Variants in RAPGEF2 observed in about 807,000 individuals in gnomAD.
The protein encoded by RAPGEF2 is Rap guanine nucleotide exchange factor 2, also known as PDZ domain containing guanine nucleotide exchange factor (GEF) 1.
A neutral mutation model predicts 186.7 loss-of-function variants in RAPGEF2; 54 were observed. That is an observed-to-expected ratio of 0.29 (90% confidence interval 0.23 to 0.36). The LOEUF (loss-of-function observed/expected upper bound fraction) is 0.36. Ranked by LOEUF, RAPGEF2 falls within the 10% of genes least tolerant of loss-of-function variation. The pLI is 1.00. For missense variants in RAPGEF2, 1,532 were observed against 2,045.0 expected (o/e 0.75, Z 4.84); for synonymous variants, 712 against 705.9 (o/e 1.01, Z -0.14).
intron 29 of RAPGEF2, among the ~76,000 whole-genome samples, chr4:159,356,707 C>G (rs1359738206): frequency 2.6e-5 from 4 of 151,964 alleles, no homozygotes; most frequent in Non-Finnish European, 5.9e-5. Context: ...TTGAGACCAG[C>G]CTGGCCAAAG....
chr4:159,161,476 A>G (rs1373680624), intron 1 of RAPGEF2, among the ~76,000 whole-genome samples: 1 of 151,932 alleles, frequency 6.6e-6, no homozygotes, highest in Non-Finnish European at 1.5e-5. Flanking sequence ...AGGCCAAGGC[A>G]GGTGGATTGC....
intron 4 of RAPGEF2, among the ~76,000 whole-genome samples, chr4:159,217,978 A>G (rs1481928039): frequency 1.3e-5 from 2 of 152,174 alleles, no homozygotes; most frequent in African/African-American, 2.4e-5. Flanking sequence ...TTCTTATTTC[A>G]TGTAAAGAGC....
intron 4 of RAPGEF2, among the ~76,000 whole-genome samples, chr4:159,217,052 G>A (rs1751058482): frequency 6.6e-6 from 1 of 152,016 alleles, no homozygotes. Flanking sequence ...TGATTGCTCT[G>A]AGAGCTTGCA....
rs892516178 is a variant in RAPGEF2, at chr4:159,103,927, G to C, written c.-236G>C. Reference sequence around the variant, plus strand: ...GCGGGCCGCATCGCACGGCAGCCTAGGGGCGCCGCGACCCTCCCGGCTGCG... The same window carrying C: ...GCGGGCCGCATCGCACGGCAGCCTACGGGCGCCGCGACCCTCCCGGCTGCG... On this transcript the variant is annotated 5_prime_UTR_variant, in exon 1 of 30. Coordinates refer to ENST00000691494, the MANE Select transcript of RAPGEF2 (RefSeq NM_001394067.2). The C allele has an allele frequency of 1.3e-5, 2 of 152,994 alleles. No individual in the cohort carries two copies. The highest frequency in any genetic ancestry group is 6.6e-5 in the Admixed American group (1 of 15,256). The allele number at this position is 152,994 out of a possible 1,614,324, so 9.5% of individuals were successfully genotyped here.
At chr4:159,198,201 G>A (rs1048182746) in intron 3 of RAPGEF2, among the ~76,000 whole-genome samples, 5 of 150,886 alleles carry the variant, frequency 3.3e-5, no homozygotes, top group African/African-American at 7.3e-5. Flanking sequence ...ACCCCAGGAA[G>A]CAAAATACTG....
chr4:159,164,028 G>T lies in RAPGEF2; in HGVS notation c.70-22614G>T, dbSNP rs369195032. ...TGGTAGTTTTTTTTTTTTTTGAGAC[G>T]GAGTCTCGCCGTGTCCCCCAGGCTG... On this transcript the variant is annotated intron_variant, in intron 1 of 29. Transcript: ENST00000691494. 2.7e-4 allele frequency among the ~76,000 whole-genome samples: 40 copies of T among 149,986 alleles called. 1 individual carries two copies. In the East Asian group the frequency reaches 2.7e-3, roughly 10 times the overall value.
intron 8 of RAPGEF2, among the ~76,000 whole-genome samples, chr4:159,308,183 C>A (rs373719341): frequency 6.6e-6 from 1 of 152,256 alleles, no homozygotes; most frequent in South Asian, 2.1e-4. Context: ...TTACAGCCTG[C>A]TATCTGGCTT....
intron 10 of RAPGEF2, 135 bp from the exon 11 acceptor site, chr4:159,323,324 A>T: frequency 1.6e-6 from 1 of 625,608 alleles, no homozygotes; most frequent in Non-Finnish European, 2.6e-6. Flanking sequence ...TGAACTTGTT[A>T]AACAGTAAAC....
Position 159,287,111 on chromosome 4 carries a change from TGA to T in RAPGEF2, c.544-17227_544-17226del, listed in dbSNP as rs1170740840. The stretch of plus-strand genomic sequence containing the variant: ...GAATTAGTAGATAATTGTTTCATCT[TGA>T]GAGGATTTTTTTTTTCTCTTTTGAC... On this transcript the variant is annotated intron_variant, in intron 7 of 29. Transcript: ENST00000691494. Among the ~76,000 whole-genome samples, 3 of 152,192 alleles carry T rather than the reference TGA, an allele frequency of 2.0e-5. No homozygotes were observed. The Middle Eastern group carries it at 0.01, about 518-fold the overall frequency.
intron 29 of RAPGEF2, 71 bp from the exon 30 acceptor site, chr4:159,358,043 T>A: frequency 6.9e-7 from 1 of 1,455,058 alleles, no homozygotes; most frequent in Admixed American, 1.8e-5. Context: ...CATCAGTGAA[T>A]ATATTCTCTA....
At chr4:159,258,644 A>G (rs1050747929) in intron 7 of RAPGEF2, among the ~76,000 whole-genome samples, 2 of 152,206 alleles carry the variant, frequency 1.3e-5, no homozygotes, top group South Asian at 2.1e-4. Context: ...ATAAAAATGT[A>G]TTTGTTAAAT....
intron 1 of RAPGEF2, among the ~76,000 whole-genome samples, chr4:159,129,163 A>G (rs926260506): frequency 6.6e-6 from 1 of 151,978 alleles, no homozygotes; most frequent in Non-Finnish European, 1.5e-5. Flanking sequence ...TTGAATAGAA[A>G]TCTTATCGCT....
At chr4:159,294,229 A>G (rs1761617977) in intron 7 of RAPGEF2, among the ~76,000 whole-genome samples, 1 of 152,174 alleles carries the variant, frequency 6.6e-6, no homozygotes, top group South Asian at 2.1e-4. Flanking sequence ...AGAATCCTCC[A>G]TGGATCCCAT....
chr4:159,221,711 G>C (rs59855612), intron 4 of RAPGEF2, among the ~76,000 whole-genome samples: 20 of 152,260 alleles, frequency 1.3e-4, no homozygotes, highest in African/African-American at 4.8e-4. Context: ...GCTTAGCCAC[G>C]CTCCTTTAGC....
intron 2 of RAPGEF2, among the ~76,000 whole-genome samples, chr4:159,190,148 C>T (rs1747966228): frequency 6.6e-6 from 1 of 152,024 alleles, no homozygotes. Flanking sequence ...GCAGGGTCCA[C>T]GGTATAGTAA....
chr4:159,152,567 G>C (rs1743670593), intron 1 of RAPGEF2, among the ~76,000 whole-genome samples: 1 of 152,170 alleles, frequency 6.6e-6, no homozygotes, highest in Non-Finnish European at 1.5e-5. Context: ...AGATGGTCTA[G>C]AAAGTTCTTG....
At chr4:159,132,604 A>G (rs985698025) in intron 1 of RAPGEF2, among the ~76,000 whole-genome samples, 1 of 152,138 alleles carries the variant, frequency 6.6e-6, no homozygotes, top group African/African-American at 2.4e-5. Flanking sequence ...GACTTTTCTC[A>G]TTTATGCCTC....
Position 159,238,889 on chromosome 4 carries a change from G to C in RAPGEF2, c.357+5G>C, listed in dbSNP as rs1753613380. Reference sequence around the variant, plus strand: ...GAGCCTTCTGAAATGATTGTGGTAAGAGTATTTCTGTGAGGACTATTTTTC... The same window carrying C: ...GAGCCTTCTGAAATGATTGTGGTAACAGTATTTCTGTGAGGACTATTTTTC... On this transcript the variant is annotated splice_donor_5th_base_variant and intron_variant, in intron 5 of 29. Transcript: ENST00000691494. 1 of 1,486,204 alleles carries C rather than the reference G, an allele frequency of 6.7e-7. No homozygotes were observed. Among genetic ancestry groups the C allele is most frequent in the Non-Finnish European group, 8.9e-7 (1 of 1,127,126 alleles). 92.1% of individuals were successfully genotyped at this position (1,486,204 alleles called of 1,614,324 possible).
At chr4:159,159,235 C>T (rs1353237576) in intron 1 of RAPGEF2, among the ~76,000 whole-genome samples, 2 of 152,192 alleles carry the variant, frequency 1.3e-5, no homozygotes, top group Non-Finnish European at 2.9e-5. Context: ...TTTTGCATCA[C>T]CCTCCTTCCA....
Sources: allele counts gnomAD v4.1 joint callset (sites outside exome capture counted in the v4.1 genomes callset), GRCh38; gene constraint gnomAD v4.1.1; transcripts MANE v1.5; gene names NCBI Gene and HGNC (gene_info 2026-07-23, HGNC 2026-07-21).